Variants in FZD3 observed in about 807,000 individuals in gnomAD.
FZD3 encodes the protein frizzled class receptor 3.
A neutral mutation model predicts 60.7 loss-of-function variants in FZD3; 30 were observed. The observed-to-expected ratio is 0.49, with a 90% confidence interval of 0.37 to 0.67. The LOEUF is 0.67. FZD3 is among the 30% of genes least tolerant of loss of function. The pLI is 0.00. For missense variants in FZD3, 605 were observed against 838.7 expected, an observed-to-expected ratio of 0.72 and a Z score of 3.44; for synonymous variants, 246 against 275.2, an observed-to-expected ratio of 0.89 and a Z score of 1.05.
intron 4 of FZD3, among the ~76,000 whole-genome samples, chr8:28,525,000 ATC>A (rs1398032524): frequency 2.0e-5 from 3 of 152,172 alleles, no homozygotes; most frequent in African/African-American, 7.2e-5. Flanking sequence ...CTAATTTCAT[ATC>A]TGTCTCATTC....
chr8:28,519,522 G>A (rs565720820), intron 3 of FZD3, among the ~76,000 whole-genome samples: 71 of 152,162 alleles, frequency 4.7e-4, no homozygotes, highest in Non-Finnish European at 8.4e-4. Context: ...TTGAGCCCAA[G>A]AGTTTGAGAC....
intron 5 of FZD3, among the ~76,000 whole-genome samples, chr8:28,529,376 C>T (rs753357983): frequency 6.6e-6 from 1 of 152,140 alleles, no homozygotes; most frequent in South Asian, 2.1e-4. Flanking sequence ...CCTTTATTGA[C>T]GTACTTAAGG....
Position 28,551,607 on chromosome 8 carries a change from C to A in FZD3, c.1409C>A (p.Thr470Asn), listed in dbSNP as rs920843630. ...EYHIPCPYQVTQMSRPDLILF... is the reference protein window; with the variant it reads ...EYHIPCPYQVNQMSRPDLILF... ...CTTTTCTTTCTGTTCTTCCAGGTTA[C>A]TCAAATGAGTCGTCCAGACTTGATT... is the stretch of plus-strand genomic sequence containing the variant. The change falls in exon 6 of 8, where the codon ACT (threonine) becomes AAT (asparagine). Residue 470 changes from threonine to asparagine, a missense_variant. Transcript: ENST00000240093. The A allele has an allele frequency of 1.2e-6, 2 of 1,600,250 alleles. No individual in the cohort carries two copies. Among genetic ancestry groups the A allele is most frequent in the African/African-American group, 1.3e-5 (1 of 74,426 alleles).
intron 6 of FZD3, among the ~76,000 whole-genome samples, chr8:28,554,559 A>G (rs899827132): frequency 5.9e-5 from 9 of 152,028 alleles, no homozygotes; most frequent in Non-Finnish European, 1.0e-4. Context: ...TGATTTTTTG[A>G]AAGTTCTTTA....
At chr8:28,508,090 T>A (rs892191589) in intron 3 of FZD3, among the ~76,000 whole-genome samples, 2 of 152,028 alleles carry the variant, frequency 1.3e-5, no homozygotes, top group African/African-American at 4.8e-5. Flanking sequence ...AGGCAAGATC[T>A]CACTATGTTG....
At chr8:28,506,699 T>C (rs1256142983) in intron 3 of FZD3, among the ~76,000 whole-genome samples, 5 of 152,190 alleles carry the variant, frequency 3.3e-5, no homozygotes, top group Non-Finnish European at 5.9e-5. Context: ...GGTTTTCTTA[T>C]AATGGGAGCA....
chr8:28,525,186 C>T (rs1804685158), intron 4 of FZD3, among the ~76,000 whole-genome samples: 1 of 152,118 alleles, frequency 6.6e-6, no homozygotes, highest in Non-Finnish European at 1.5e-5. Flanking sequence ...AATTGAATGT[C>T]TTTGGTGTGC....
chr8:28,528,586 AT>A (rs1306933436), intron 5 of FZD3, among the ~76,000 whole-genome samples: 1 of 152,032 alleles, frequency 6.6e-6, no homozygotes, highest in African/African-American at 2.4e-5. Context: ...AATGATCTTG[AT>A]TTTTCTTCTT....
chr8:28,514,310 T>G (rs1178961438), intron 3 of FZD3, among the ~76,000 whole-genome samples: 2 of 96,462 alleles, frequency 2.1e-5, no homozygotes, highest in Non-Finnish European at 4.3e-5. Context: ...TCAAAAATTG[T>G]TAAGGATAAA....
chr8:28,503,428 A>T (rs1174283823), intron 3 of FZD3, among the ~76,000 whole-genome samples: 1 of 152,224 alleles, frequency 6.6e-6, no homozygotes, highest in Non-Finnish European at 1.5e-5. Context: ...ACTTTTATAA[A>T]GAAATTTGAA....
chr8:28,499,342 G>T (rs190061981), intron 1 of FZD3, among the ~76,000 whole-genome samples: 1 of 151,898 alleles, frequency 6.6e-6, no homozygotes, highest in East Asian at 1.9e-4. Flanking sequence ...ACAAATACAG[G>T]TTTATGCTCA....
intron 3 of FZD3, among the ~76,000 whole-genome samples, chr8:28,520,256 TAAAGG>T (rs1804543022): frequency 6.6e-6 from 1 of 150,756 alleles, no homozygotes; most frequent in African/African-American, 2.4e-5. Context: ...AAGAAATACT[TAAAGG>T]AAGAAAACGA....
chr8:28,510,712 G>A (rs1444367884), intron 3 of FZD3, among the ~76,000 whole-genome samples: 6 of 152,112 alleles, frequency 3.9e-5, no homozygotes, highest in African/African-American at 1.4e-4. Context: ...TGGTTATAAG[G>A]ATCAAACGAG....
intron 3 of FZD3, among the ~76,000 whole-genome samples, chr8:28,518,168 C>T (rs570773202): frequency 1.3e-5 from 2 of 152,034 alleles, no homozygotes; most frequent in East Asian, 3.9e-4. Flanking sequence ...AAGTGATCCT[C>T]CTGCCTCTGC....
At chr8:28,514,838 C>T (rs1804382929) in intron 3 of FZD3, among the ~76,000 whole-genome samples, 1 of 152,208 alleles carries the variant, frequency 6.6e-6, no homozygotes, top group Non-Finnish European at 1.5e-5. Flanking sequence ...CACCTATTCC[C>T]CAATCCCTTT....
chr8:28,535,604 G>A (rs1804989838), intron 5 of FZD3, among the ~76,000 whole-genome samples: 1 of 152,170 alleles, frequency 6.6e-6, no homozygotes, highest in Admixed American at 6.5e-5. Context: ...TTTTTAGCAA[G>A]AACACTCATT....
At chr8:28,553,974 T>G (rs1805458309) in intron 6 of FZD3, among the ~76,000 whole-genome samples, 2 of 152,240 alleles carry the variant, frequency 1.3e-5, no homozygotes, top group African/African-American at 4.8e-5. Flanking sequence ...CAAGATTTCA[T>G]AACAAGTGAT....
intron 3 of FZD3, among the ~76,000 whole-genome samples, chr8:28,512,108 A>G (rs1804305209): frequency 2.6e-5 from 4 of 152,114 alleles, no homozygotes; most frequent in Admixed American, 2.6e-4. Context: ...CTAGTATTTT[A>G]CTTTTCTTTT....
intron 3 of FZD3, among the ~76,000 whole-genome samples, chr8:28,520,127 T>C (rs1037218964): frequency 6.6e-6 from 1 of 150,438 alleles, no homozygotes; most frequent in African/African-American, 2.4e-5. Flanking sequence ...GGAGAATTGC[T>C]TGAACTTGGG....
Sources: gnomAD v4.1 joint callset for allele counts (sites outside exome capture counted in the v4.1 genomes callset) on GRCh38, gnomAD v4.1.1 for gene constraint, MANE v1.5 for transcripts, NCBI Gene and HGNC (gene_info 2026-07-23, HGNC 2026-07-21) for gene names.